The following CDKN2B-AS1 variants were observed in gnomAD, a reference collection of about 807,000 sequenced individuals.
CDKN2B-AS1 encodes the protein CDKN2B antisense RNA 1 (non-protein coding).
At chr9:22,042,751 C>A (rs1046520017) in intron 1 of CDKN2B-AS1, among the ~76,000 whole-genome samples, 10 of 152,084 alleles carry the variant, frequency 6.6e-5, no homozygotes, top group Non-Finnish European at 1.3e-4. Flanking sequence ...TTAAAGAAAG[C>A]AAAACAGATA....
At chr9:22,087,634 C>G (rs1043414975) in intron 4 of CDKN2B-AS1, among the ~76,000 whole-genome samples, 5 of 152,266 alleles carry the variant, frequency 3.3e-5, no homozygotes, top group African/African-American at 1.2e-4. Flanking sequence ...AAAATAAAAG[C>G]ATGACTTGAT....
At chr9:22,002,138 G>C (rs562083426) in intron 1 of CDKN2B-AS1, among the ~76,000 whole-genome samples, 2 of 152,070 alleles carry the variant, frequency 1.3e-5, no homozygotes, top group Non-Finnish European at 2.9e-5. Flanking sequence ...CAAATAACTA[G>C]ACAGTTTCTG....
At chr9:22,061,953 A>T (rs1251777623) in intron 4 of CDKN2B-AS1, 3 of 152,204 alleles carry the variant, frequency 2.0e-5, no homozygotes, top group Non-Finnish European at 1.5e-5. Context: ...ATATTATCAG[A>T]TATGACACAT....
At chr9:22,045,538 C>T (rs1168594169) in intron 1 of CDKN2B-AS1, among the ~76,000 whole-genome samples, 2 of 151,988 alleles carry the variant, frequency 1.3e-5, no homozygotes, top group Non-Finnish European at 2.9e-5. Context: ...CTTCACTAAA[C>T]TAGTCAATTT....
In CDKN2B-AS1 at chr9:22,006,634, C is replaced by G. The variant is rs1251535372; in HGVS notation, n.29+11473C>G. ...GCTTTTAAAGTTTTAAATTATTTGC[C>G]TTGCTGACCCCTCCTCCATAATCCA... On this transcript the variant is annotated intron_variant and non_coding_transcript_variant, in intron 1 of 4. Coordinates refer to ENST00000650946, the Ensembl canonical transcript of CDKN2B-AS1. The surrounding 1 kb of genome is among the most constrained non-coding windows in gnomAD (Gnocchi z 6.4). Among the ~76,000 whole-genome samples the G allele has an allele frequency of 6.6e-6, 1 of 152,128 alleles. No individual in the cohort carries two copies. Among genetic ancestry groups the G allele is most frequent in the Non-Finnish European group, 1.5e-5 (1 of 68,026 alleles).
At chr9:22,064,571 T>C (rs926367248) in intron 4 of CDKN2B-AS1, among the ~76,000 whole-genome samples, 8 of 152,216 alleles carry the variant, frequency 5.3e-5, no homozygotes, top group Non-Finnish European at 1.2e-4. Context: ...TGGAATTAAT[T>C]GACCACAAAT....
At chr9:22,081,016 A>G (rs1188216159) in intron 4 of CDKN2B-AS1, among the ~76,000 whole-genome samples, 1 of 152,240 alleles carries the variant, frequency 6.6e-6, no homozygotes, top group East Asian at 1.9e-4. Flanking sequence ...CCGACTACCT[A>G]GAGTCAACCC....
intron 4 of CDKN2B-AS1, among the ~76,000 whole-genome samples, chr9:22,115,934 T>C (rs1419567205): frequency 6.6e-6 from 1 of 152,200 alleles, no homozygotes; most frequent in East Asian, 1.9e-4. Flanking sequence ...CTTGGGACCA[T>C]TTTTTACTCC....
In CDKN2B-AS1 at chr9:21,996,178, T is replaced by C. The variant is rs992807777; in HGVS notation, n.29+1017T>C. Among the ~76,000 whole-genome samples the C allele has an allele frequency of 5.3e-5, 8 of 152,170 alleles. No individual in the cohort carries two copies. The highest frequency in any genetic ancestry group is 1.9e-4 in the African/African-American group (8 of 41,428). On this transcript the variant is annotated intron_variant and non_coding_transcript_variant, in intron 1 of 4. Transcript: ENST00000650946. This position sits in a 1 kb window ranked among gnomAD's most constrained non-coding sequence, Gnocchi z 5.4. ...GTAGCCTAGAGGAGCGGCAGACTTC[T>C]CTTTCCCCATCCCCCGCCCCATCAC...
intron 4 of CDKN2B-AS1, among the ~76,000 whole-genome samples, chr9:22,099,620 A>G (rs910998243): frequency 3.0e-4 from 45 of 152,212 alleles, no homozygotes; most frequent in Non-Finnish European, 2.9e-4. Context: ...AGTGTGTCAC[A>G]TAACTGATAG....
intron 1 of CDKN2B-AS1, among the ~76,000 whole-genome samples, chr9:22,044,646 C>T (rs1823032508): frequency 6.6e-6 from 1 of 152,028 alleles, no homozygotes; most frequent in Non-Finnish European, 1.5e-5. Flanking sequence ...TTTTAATCCT[C>T]TGCATTGGTT....
Position 22,063,004 on chromosome 9 carries a change from GAGA to G in CDKN2B-AS1, n.438+6618_438+6620del, listed in dbSNP as rs1563956540. ...ACACACACATATATATATATAGAGA[GAGA>G]GAGAGAGAGAGAGAGACTTATAAAT... On this transcript the variant is annotated intron_variant and non_coding_transcript_variant, in intron 4 of 4. Coordinates refer to ENST00000650946, the Ensembl canonical transcript of CDKN2B-AS1. Among the ~76,000 whole-genome samples, 344 of 127,590 alleles carry G rather than the reference GAGA, an allele frequency of 2.7e-3. 2 individuals are homozygous for G. The highest frequency in any genetic ancestry group is 9.2e-3 in the African/African-American group (327 of 35,614). The allele number at this position is 127,590 out of a possible 152,430, so 83.7% of individuals were successfully genotyped here. A position where few individuals can be genotyped will look rare whatever the true frequency, so the allele number is the denominator to read the frequency against.
At chr9:22,049,833 G>C (rs867033825) in intron 3 of CDKN2B-AS1, among the ~76,000 whole-genome samples, 2 of 152,166 alleles carry the variant, frequency 1.3e-5, no homozygotes, top group African/African-American at 2.4e-5. Flanking sequence ...GCGTTTCATA[G>C]ATTGGCCAGC....
intron 4 of CDKN2B-AS1, among the ~76,000 whole-genome samples, chr9:22,114,332 T>A (rs1825883118): frequency 6.6e-6 from 1 of 152,160 alleles, no homozygotes; most frequent in East Asian, 1.9e-4. Flanking sequence ...CTTAAATATA[T>A]CTCTACTTGA....
At chr9:22,124,012 CT>C (rs1297561309) in intron 4 of CDKN2B-AS1, among the ~76,000 whole-genome samples, 1 of 151,568 alleles carries the variant, frequency 6.6e-6, no homozygotes, top group African/African-American at 2.4e-5. Context: ...TTTTGTAAAA[CT>C]TATACAGGTA....
chr9:22,062,191 GT>G (rs1554672520), intron 4 of CDKN2B-AS1, among the ~76,000 whole-genome samples: 1 of 152,176 alleles, frequency 6.6e-6, no homozygotes, highest in Non-Finnish European at 1.5e-5. Flanking sequence ...TCTAGAGCTA[GT>G]TCAAGTGAAG....
At position 22,015,499 on chromosome 9, in the gene CDKN2B-AS1, A is replaced by G. The variant is rs978621123; in HGVS notation, n.29+20338A>G. Among the ~76,000 whole-genome samples the G allele has an allele frequency of 2.0e-5, 3 of 152,074 alleles. No individual in the cohort carries two copies. The South Asian group carries it at 6.2e-4, about 32-fold the overall frequency. Reference sequence around the variant, plus strand: ...TATAAATTTAAAAATTATCTTGCCAAATAATCTTGTTTGAATTTTAATTGG... The same window carrying G: ...TATAAATTTAAAAATTATCTTGCCAGATAATCTTGTTTGAATTTTAATTGG... On this transcript the variant is annotated intron_variant and non_coding_transcript_variant, in intron 1 of 4. Transcript: ENST00000650946.
intron 4 of CDKN2B-AS1, chr9:22,120,044 G>C (rs73441286): frequency 6.6e-6 from 1 of 152,262 alleles, no homozygotes; most frequent in East Asian, 1.9e-4. Flanking sequence ...TTATGAGAAA[G>C]TTATGTCTGA....
At chr9:22,061,655 C>G (rs969320101) in intron 4 of CDKN2B-AS1, among the ~76,000 whole-genome samples, 1 of 152,050 alleles carries the variant, frequency 6.6e-6, no homozygotes. Context: ...GGAATTAATA[C>G]TCAGAATATT....
Sources: gnomAD v4.1 joint callset for allele counts (sites outside exome capture counted in the v4.1 genomes callset) on GRCh38, gnomAD v4.1.1 for gene constraint, Gnocchi (gnomAD v3.1) non-coding constraint, MANE v1.5 for transcripts, NCBI Gene and HGNC (gene_info 2026-07-23, HGNC 2026-07-21) for gene names.